Variants in USP53 observed in about 807,000 individuals in gnomAD.
USP53 encodes the protein ubiquitin carboxyl-terminal hydrolase 53.
Under a neutral mutation model 94.9 loss-of-function variants are expected in USP53, and 71 were observed. That is an observed-to-expected ratio of 0.75 (90% CI 0.62 to 0.91). USP53 has a LOEUF of 0.91. Among genes scored for constraint, USP53 ranks in the 40% least tolerant of loss-of-function variants. The probability of loss-of-function intolerance (pLI) is 0.00; values close to 1 mark genes in which losing one functional copy is unlikely to be tolerated. For missense variants in USP53, 1,173 were observed against 1,281.0 expected, an observed-to-expected ratio of 0.92 and a Z score of 1.29; for synonymous variants, 375 against 422.7, an observed-to-expected ratio of 0.89 and a Z score of 1.39.
chr4:119,247,971 TA>T, intron 6 of USP53, among the ~76,000 whole-genome samples: 1 of 152,230 alleles, frequency 6.6e-6, no homozygotes, highest in East Asian at 1.9e-4. Context: ...ATGTTGATCT[TA>T]AAAAAATATT....
intron 14 of USP53, among the ~76,000 whole-genome samples, chr4:119,269,096 T>C (rs1378106365): frequency 1.3e-5 from 2 of 152,218 alleles, no homozygotes; most frequent in Admixed American, 6.5e-5. Context: ...AAAACTAAAA[T>C]AAAGGCTTTT....
chr4:119,294,362 A>G lies in USP53; in HGVS notation c.*1151A>G, dbSNP rs112606530. 426 of 152,242 alleles carry G rather than the reference A, an allele frequency of 2.8e-3. 1 individual carries two copies. The highest frequency in any genetic ancestry group is 9.9e-3 in the African/African-American group (411 of 41,562). 9.4% of individuals were successfully genotyped at this position (152,242 alleles called of 1,614,324 possible). A position where few individuals can be genotyped will look rare whatever the true frequency, so the allele number is the denominator to read the frequency against. On this transcript the variant is annotated 3_prime_UTR_variant, in exon 19 of 19. Transcript: ENST00000692078. Reference sequence around the variant, plus strand: ...ATCCTTCCCTTTTATTCTACTTTGAACAAATAGTAATTTTACCCCAACTAC... The same window carrying G: ...ATCCTTCCCTTTTATTCTACTTTGAGCAAATAGTAATTTTACCCCAACTAC...
chr4:119,288,333 A>C lies in USP53; in HGVS notation c.2252-2832A>C, dbSNP rs561843726. 3.3e-4 allele frequency among the ~76,000 whole-genome samples: 50 copies of C among 152,364 alleles called. 1 individual carries two copies. In the South Asian group the frequency reaches 0.01, roughly 31 times the overall value. On this transcript the variant is annotated intron_variant, in intron 17 of 18. Transcript: ENST00000692078. Reference sequence around the variant, plus strand: ...CAAATCTCAGTTAATGCTTGGCTTCATGTAAGATGGCTGGATTCTTGTTTT... The same window carrying C: ...CAAATCTCAGTTAATGCTTGGCTTCCTGTAAGATGGCTGGATTCTTGTTTT...
At chr4:119,217,519 A>G (rs1743966327) in intron 2 of USP53, 31 bp from the exon 3 acceptor site, 1 of 152,144 alleles carries the variant, frequency 6.6e-6, no homozygotes, top group Non-Finnish European at 1.5e-5. Flanking sequence ...TATTTGATGA[A>G]AACTTAACCA....
In USP53 at chr4:119,259,260, G is replaced by A. The variant is rs574408296; in HGVS notation, c.570-560G>A. Among the ~76,000 whole-genome samples the A allele has an allele frequency of 1.3e-4, 19 of 141,484 alleles. No individual in the cohort carries two copies. The East Asian group carries it at 2.3e-3, about 17-fold the overall frequency. The allele number at this position is 141,484 out of a possible 152,430, so 92.8% of individuals were successfully genotyped here. A position where few individuals can be genotyped will look rare whatever the true frequency, so the allele number is the denominator to read the frequency against. On this transcript the variant is annotated intron_variant, in intron 9 of 18. Coordinates refer to ENST00000692078, the MANE Select transcript of USP53 (RefSeq NM_001371395.1). ...TGCACCATTGCACTCCAGCCTGGGC[G>A]ATAGAGTGAGACCCCATCTCAAAAA...
In USP53 at chr4:119,262,246, T is replaced by C. The variant is rs115654876; in HGVS notation, c.972+382T>C. On this transcript the variant is annotated intron_variant, in intron 12 of 18. Transcript: ENST00000692078. ...CTAGTGATGAAAATATGCTTGCCTT[T>C]ATTTTTATTATGACAATTTTTTTCA... Among the ~76,000 whole-genome samples the C allele has an allele frequency of 7.3e-3, 1,113 of 152,354 alleles. 13 individuals are homozygous for C. Among genetic ancestry groups the C allele is most frequent in the African/African-American group, 0.025 (1,050 of 41,578 alleles).
chr4:119,217,747 G>A (rs1743997410), intron 3 of USP53, 74 bp downstream of exon 3: 1 of 152,202 alleles, frequency 6.6e-6, no homozygotes. Context: ...CCTCATTTAA[G>A]TGACTTTTTT....
At chr4:119,275,582 CTCTTTTTTGGT>C (rs1369395143) in intron 17 of USP53, among the ~76,000 whole-genome samples, 2 of 150,894 alleles carry the variant, frequency 1.3e-5, no homozygotes, top group Admixed American at 1.3e-4. Context: ...GCGATGCGGG[CTCTTTTTTGGT>C]TCCATATGAA....
intron 3 of USP53, among the ~76,000 whole-genome samples, chr4:119,223,659 A>G (rs1169916571): frequency 6.6e-6 from 1 of 152,154 alleles, no homozygotes; most frequent in Non-Finnish European, 1.5e-5. Flanking sequence ...TACCATCCAC[A>G]TTATTTTTCT....
At chr4:119,257,735 C>T (rs552753389) in intron 9 of USP53, among the ~76,000 whole-genome samples, 4 of 152,218 alleles carry the variant, frequency 2.6e-5, no homozygotes, top group African/African-American at 9.6e-5. Context: ...ATCTTTCTTA[C>T]ATTTACAGAC....
intron 16 of USP53, 57 bp downstream of exon 16, chr4:119,272,091 A>G (rs1751951188): frequency 5.3e-6 from 8 of 1,507,832 alleles, no homozygotes; most frequent in South Asian, 1.4e-5. Flanking sequence ...TGTTAATTGC[A>G]TGAAGTAATT....
chr4:119,239,534 C>G lies in USP53; in HGVS notation c.-226C>G, dbSNP rs1486714332. On this transcript the variant is annotated 5_prime_UTR_variant, in exon 5 of 19. Coordinates refer to ENST00000692078, the MANE Select transcript of USP53 (RefSeq NM_001371395.1). ...ATCTTTAACGCCTTGTTTAAAATAG[C>G]TTTCTTTTTTAGTGCTTAGAACTTC... 4.2e-6 allele frequency: 2 copies of G among 471,410 alleles called. No individual in the cohort carries two copies. Among genetic ancestry groups the G allele is most frequent in the Non-Finnish European group, 7.3e-6 (2 of 275,734 alleles). The allele number at this position is 471,410 out of a possible 1,614,324, so 29.2% of individuals were successfully genotyped here. A position where few individuals can be genotyped will look rare whatever the true frequency, so the allele number is the denominator to read the frequency against.
intron 17 of USP53, among the ~76,000 whole-genome samples, chr4:119,280,107 G>T (rs996201510): frequency 6.6e-6 from 1 of 152,136 alleles, no homozygotes; most frequent in Non-Finnish European, 1.5e-5. Flanking sequence ...GTTCCTATTC[G>T]GCCATCTTGG....
At chr4:119,281,431 A>C (rs917230416) in intron 17 of USP53, among the ~76,000 whole-genome samples, 13 of 152,214 alleles carry the variant, frequency 8.5e-5, no homozygotes, top group African/African-American at 3.1e-4. Flanking sequence ...GTTTGCAGAC[A>C]AAGAATGTGA....
chr4:119,247,988 T>C (rs1190300366), intron 6 of USP53, among the ~76,000 whole-genome samples: 3 of 152,162 alleles, frequency 2.0e-5, no homozygotes, highest in Non-Finnish European at 4.4e-5. Context: ...ATATTTTTTT[T>C]TTGAGATGAC....
intron 7 of USP53, among the ~76,000 whole-genome samples, chr4:119,254,030 A>G (rs1050631541): frequency 6.6e-6 from 1 of 152,204 alleles, no homozygotes; most frequent in Non-Finnish European, 1.5e-5. Flanking sequence ...TTCTTTAAGA[A>G]TGTTGAATAT....
At chr4:119,221,906 A>C (rs1373178555) in intron 3 of USP53, among the ~76,000 whole-genome samples, 1 of 152,162 alleles carries the variant, frequency 6.6e-6, no homozygotes, top group Admixed American at 6.5e-5. Flanking sequence ...CATAAACTGC[A>C]TTGCACTGAA....
rs749525985 is a variant in USP53 at position 119,248,769 on chromosome 4, C to A, written c.259C>A (p.His87Asn). The change falls in exon 7 of 19, where the codon CAC becomes AAC. Residue 87 changes from histidine to asparagine, a missense_variant. His to Asn is a moderately conservative substitution (Grantham distance 68, BLOSUM62 1). Coordinates refer to ENST00000692078, the MANE Select transcript of USP53 (RefSeq NM_001371395.1). ...CCAGACGATATTTGCACAGTTCCAA[C>A]ACAGTCGAGAAAAAGCACTTCCCTC... Reference protein sequence around the residue: ...ALKTIFAQFQHSREKALPSDN... With the variant: ...ALKTIFAQFQNSREKALPSDN... 1 of 1,613,870 alleles carries A rather than the reference C, an allele frequency of 6.2e-7. No homozygotes were observed. The highest frequency in any genetic ancestry group is 8.5e-7 in the Non-Finnish European group (1 of 1,180,004).
rs1432009436 is a variant in USP53, at chr4:119,248,761, A to G, written c.251A>G (p.Gln84Arg). 3 of 1,611,262 alleles carry G rather than the reference A, an allele frequency of 1.9e-6. No individual in the cohort carries two copies. The African/African-American group carries it at 4.0e-5, about 22-fold the overall frequency. ...GTCGATTCCCAGACGATATTTGCACAGTTCCAACACAGTCGAGAAAAAGCA... is the reference window on the plus strand; with the variant it reads ...GTCGATTCCCAGACGATATTTGCACGGTTCCAACACAGTCGAGAAAAAGCA... ...IFCALKTIFA[Q>R]FQHSREKALP... The change falls in exon 7 of 19, where the codon CAG becomes CGG. Residue 84 changes from glutamine (Q) to arginine (R), a missense_variant. By Grantham distance (43) the Gln-to-Arg change is conservative. Transcript: ENST00000692078.
Sources: gnomAD v4.1 joint callset for allele counts (sites outside exome capture counted in the v4.1 genomes callset) on GRCh38, gnomAD v4.1.1 for gene constraint, MANE v1.5 for transcripts, NCBI Gene and HGNC (gene_info 2026-07-23, HGNC 2026-07-21) for gene names.